The following PLA2G5 variants were observed in gnomAD, a reference collection of about 807,000 sequenced individuals.
PLA2G5 encodes Ca2+-dependent phospholipase A2.
In PLA2G5, 12 loss-of-function variants were observed where a neutral mutation model predicts 15.9. The observed-to-expected ratio is 0.76, with a 90% CI of 0.48 to 1.23. PLA2G5 has a LOEUF of 1.23. Among genes scored for constraint, PLA2G5 ranks in the 50% most tolerant of loss-of-function variants. PLA2G5 has a pLI of 0.00. For missense variants in PLA2G5, 169 were observed against 177.1 expected (o/e 0.95, Z 0.26); for synonymous variants, 71 against 71.4 (o/e 0.99, Z 0.03).
intron 4 of PLA2G5, among the ~76,000 whole-genome samples, chr1:20,090,301 C>T (rs11573288): frequency 0.06 from 9,163 of 152,192 alleles, 390 homozygotes; most frequent in East Asian, 0.13. Flanking sequence ...GCTGCCTCCA[C>T]CATCAGACTG....
chr1:20,065,237 G>A (rs529506792), upstream of PLA2G5, among the ~76,000 whole-genome samples: 1 of 152,164 alleles, frequency 6.6e-6, no homozygotes, highest in Admixed American at 6.5e-5. Context: ...AATTAGTGTG[G>A]CACACTTGTT....
upstream of PLA2G5, chr1:20,066,201 T>A (rs1348854564): frequency 6.6e-6 from 1 of 152,264 alleles, no homozygotes; most frequent in Non-Finnish European, 1.5e-5. Flanking sequence ...TATGCTTAAC[T>A]GTCATCTGTA....
At chr1:20,059,341 T>C (rs999872925) in intron 1 of PLA2G5, among the ~76,000 whole-genome samples, 18 of 151,526 alleles carry the variant, frequency 1.2e-4, no homozygotes, top group African/African-American at 4.4e-4. Context: ...AGTGGGAGGA[T>C]AGCTTGAGCC....
In PLA2G5 at chr1:20,091,220, G is replaced by C. The variant is rs578082561; in HGVS notation, c.*528G>C. ...GGGGATCGCTGGTGCCTCTTTCTCT[G>C]CCACTGGGGCAATAAACCCAAAGAT... On this transcript the variant is annotated 3_prime_UTR_variant, in exon 5 of 5. Coordinates refer to ENST00000375108, the MANE Select transcript of PLA2G5 (RefSeq NM_000929.3). The C allele has an allele frequency of 6.6e-6, 1 of 152,650 alleles. No homozygotes were observed. The highest frequency in any genetic ancestry group is 2.4e-5 in the African/African-American group (1 of 41,448). The allele number at this position is 152,650 out of a possible 1,614,324, so 9.5% of individuals were successfully genotyped here.
intron 1 of PLA2G5, among the ~76,000 whole-genome samples, chr1:20,047,271 C>A (rs983596263): frequency 1.3e-5 from 2 of 151,976 alleles, no homozygotes; most frequent in Non-Finnish European, 2.9e-5. Context: ...AGTGGTGACA[C>A]ACTGTGGAGT....
intron 1 of PLA2G5, chr1:20,070,815 C>A (rs1257875480): frequency 6.6e-6 from 1 of 152,212 alleles, no homozygotes; most frequent in Admixed American, 6.5e-5. Context: ...TTCTTTTTAA[C>A]CTAAACCACA....
At chr1:20,052,937 A>G (rs1173024940) in intron 1 of PLA2G5, among the ~76,000 whole-genome samples, 3 of 151,572 alleles carry the variant, frequency 2.0e-5, no homozygotes, top group East Asian at 4.2e-4. Flanking sequence ...ATGACCTGGA[A>G]GCCCCCTCCC....
At chr1:20,067,952 C>T (rs1167022933), upstream of PLA2G5, among the ~76,000 whole-genome samples, 1 of 151,944 alleles carries the variant, frequency 6.6e-6, no homozygotes, top group Non-Finnish European at 1.5e-5. Context: ...AACCTCATCT[C>T]TACTAAAAAT....
At chr1:20,063,154 C>T (rs2014827202) in intron 2 of PLA2G5, among the ~76,000 whole-genome samples, 1 of 152,016 alleles carries the variant, frequency 6.6e-6, no homozygotes. Context: ...GATCACGCCA[C>T]TGTACTCTAG....
chr1:20,049,041 T>G (rs1307012937), intron 1 of PLA2G5, among the ~76,000 whole-genome samples: 2 of 151,988 alleles, frequency 1.3e-5, no homozygotes, highest in African/African-American at 4.8e-5. Flanking sequence ...TAAAACAAAG[T>G]AAAAGGAACA....
intron 1 of PLA2G5, among the ~76,000 whole-genome samples, chr1:20,036,911 C>T (rs1459195469): frequency 6.6e-6 from 1 of 152,008 alleles, no homozygotes; most frequent in Non-Finnish European, 1.5e-5. Flanking sequence ...CTGACCTGCC[C>T]ACCTCAGCCT....
At chr1:20,060,945 G>A (rs1398869172) in intron 2 of PLA2G5, among the ~76,000 whole-genome samples, 1 of 152,048 alleles carries the variant, frequency 6.6e-6, no homozygotes, top group East Asian at 1.9e-4. Flanking sequence ...TCAAACTCCC[G>A]ACCTCAGGTG....
chr1:20,037,160 C>T (rs1020243745), intron 1 of PLA2G5, among the ~76,000 whole-genome samples: 8 of 152,138 alleles, frequency 5.3e-5, no homozygotes, highest in Non-Finnish European at 1.0e-4. Context: ...TTGATTTTCT[C>T]GTTCCTTCTC....
At chr1:20,029,403 C>T (rs2012772958) in intron 1 of PLA2G5, among the ~76,000 whole-genome samples, 1 of 152,164 alleles carries the variant, frequency 6.6e-6, no homozygotes, top group Non-Finnish European at 1.5e-5. Context: ...TGATATGTTC[C>T]TCCGCTGATA....
At chr1:20,054,044 A>G (rs1346031327) in intron 1 of PLA2G5, among the ~76,000 whole-genome samples, 2 of 152,098 alleles carry the variant, frequency 1.3e-5, no homozygotes, top group Non-Finnish European at 2.9e-5. Flanking sequence ...TGTTTGGACC[A>G]TGTTCCTATG....
intron 1 of PLA2G5, among the ~76,000 whole-genome samples, chr1:20,080,046 C>G (rs570983462): frequency 6.6e-6 from 1 of 152,110 alleles, no homozygotes; most frequent in East Asian, 1.9e-4. Context: ...GCTGCAAGTC[C>G]GGGAGCGGGG....
chr1:20,045,561 G>T (rs1460353779), intron 1 of PLA2G5, among the ~76,000 whole-genome samples: 2 of 152,154 alleles, frequency 1.3e-5, no homozygotes, highest in Non-Finnish European at 2.9e-5. Context: ...ATTGAAGGGT[G>T]GCACCAAAAT....
upstream of PLA2G5, among the ~76,000 whole-genome samples, chr1:20,069,398 C>T (rs956576821): frequency 5.9e-5 from 9 of 152,096 alleles, no homozygotes. Flanking sequence ...TAAGTCTGGC[C>T]GTGGTGGCTC....
intron 1 of PLA2G5, among the ~76,000 whole-genome samples, chr1:20,056,309 T>C (rs1395452650): frequency 6.6e-6 from 1 of 151,862 alleles, no homozygotes; most frequent in Non-Finnish European, 1.5e-5. Context: ...CAAGGGCAGG[T>C]GTTCCTCCTG....
Sources: allele counts gnomAD v4.1 joint callset (sites outside exome capture counted in the v4.1 genomes callset), GRCh38; gene constraint gnomAD v4.1.1; transcripts MANE v1.5; gene names NCBI Gene and HGNC (gene_info 2026-07-23, HGNC 2026-07-21).